Variants in SPAG16 observed in about 807,000 individuals in gnomAD.
SPAG16 encodes the protein sperm associated antigen 16.
In SPAG16, 86 loss-of-function variants were observed where a neutral mutation model predicts 80.4. The observed-to-expected ratio is 1.07, with a 90% confidence interval of 0.90 to 1.28. The LOEUF (loss-of-function observed/expected upper bound fraction) is 1.28, where lower values mean the gene tolerates loss of function less well. SPAG16 is among the 50% of genes most tolerant of loss of function. The pLI is 0.00. For missense variants in SPAG16, 870 were observed against 765.3 expected (o/e 1.14, Z -1.61); for synonymous variants, 294 against 265.9 (o/e 1.11, Z -1.03).
intron 15 of SPAG16, among the ~76,000 whole-genome samples, chr2:214,305,592 C>T (rs963886815): frequency 4.6e-5 from 7 of 152,022 alleles, no homozygotes; most frequent in Admixed American, 1.3e-4. Flanking sequence ...TCTGTATATG[C>T]CTCACCAGTT....
At chr2:213,400,630 T>C (rs2068261572) in intron 9 of SPAG16, among the ~76,000 whole-genome samples, 1 of 152,208 alleles carries the variant, frequency 6.6e-6, no homozygotes, top group Admixed American at 6.5e-5. Flanking sequence ...GCTGGGCATA[T>C]AGTTAGGTAC....
chr2:213,860,473 CTATA>C (rs1302682780), intron 10 of SPAG16, among the ~76,000 whole-genome samples: 5 of 78,784 alleles, frequency 6.3e-5, no homozygotes, highest in Non-Finnish European at 8.7e-5. Flanking sequence ...ATATATCTAT[CTATA>C]TATATATATA....
chr2:214,129,681 A>G (rs1021625810), intron 14 of SPAG16, among the ~76,000 whole-genome samples: 1 of 152,162 alleles, frequency 6.6e-6, no homozygotes, highest in African/African-American at 2.4e-5. Context: ...TTTCATGCGA[A>G]GGCTTAGACA....
chr2:214,372,956 C>A (rs1221205567), intron 15 of SPAG16, among the ~76,000 whole-genome samples: 2 of 152,116 alleles, frequency 1.3e-5, no homozygotes, highest in African/African-American at 4.8e-5. Flanking sequence ...CCTGCATTTC[C>A]TGATGCTCTG....
chr2:213,689,834 C>T (rs1460118908), intron 10 of SPAG16, among the ~76,000 whole-genome samples: 2 of 152,106 alleles, frequency 1.3e-5, no homozygotes, highest in African/African-American at 4.8e-5. Flanking sequence ...GTGCACTTTA[C>T]TATGCTGCTG....
At chr2:213,903,536 G>A (rs997178187) in intron 11 of SPAG16, among the ~76,000 whole-genome samples, 2 of 152,126 alleles carry the variant, frequency 1.3e-5, no homozygotes, top group South Asian at 4.1e-4. Context: ...ACTGCAAACA[G>A]CATGGGGACC....
At chr2:213,443,502 A>G (rs1390837835) in intron 9 of SPAG16, among the ~76,000 whole-genome samples, 1 of 152,174 alleles carries the variant, frequency 6.6e-6, no homozygotes, top group Non-Finnish European at 1.5e-5. Flanking sequence ...TTAGGGCTGA[A>G]TAATATTCCA....
chr2:213,298,610 T>A (rs1235356529), intron 3 of SPAG16, among the ~76,000 whole-genome samples: 5 of 152,198 alleles, frequency 3.3e-5, no homozygotes, highest in Admixed American at 3.3e-4. Context: ...AACAAAACTG[T>A]AATTGCTTCC....
intron 10 of SPAG16, among the ~76,000 whole-genome samples, chr2:213,755,030 A>G (rs16850855): frequency 0.024 from 3,651 of 152,274 alleles, 147 homozygotes; most frequent in African/African-American, 0.082. Flanking sequence ...ACTGAGATGT[A>G]ATATACAAAA....
At chr2:213,645,958 G>T (rs948164161) in intron 10 of SPAG16, among the ~76,000 whole-genome samples, 1 of 152,162 alleles carries the variant, frequency 6.6e-6, no homozygotes, top group Admixed American at 6.5e-5. Flanking sequence ...CCTCAGGCTG[G>T]GGCTGGTTTA....
chr2:213,877,197 A>C (rs1334099904), intron 11 of SPAG16, among the ~76,000 whole-genome samples: 3 of 152,122 alleles, frequency 2.0e-5, no homozygotes, highest in African/African-American at 7.2e-5. Flanking sequence ...GAGCTTTCAA[A>C]TCCACTTATT....
intron 5 of SPAG16, among the ~76,000 whole-genome samples, chr2:213,326,907 A>G (rs2063866019): frequency 6.6e-6 from 1 of 152,044 alleles, no homozygotes; most frequent in South Asian, 2.1e-4. Flanking sequence ...AATAATATTC[A>G]TATCATATTG....
At chr2:213,545,324 G>A (rs2076577907) in intron 10 of SPAG16, among the ~76,000 whole-genome samples, 1 of 151,962 alleles carries the variant, frequency 6.6e-6, no homozygotes, top group African/African-American at 2.4e-5. Context: ...TTTTCTTATT[G>A]TTGAGTTGTT....
At chr2:213,996,586 T>C (rs903940716) in intron 12 of SPAG16, among the ~76,000 whole-genome samples, 1 of 148,458 alleles carries the variant, frequency 6.7e-6, no homozygotes, top group African/African-American at 2.5e-5. Context: ...TTTTTTTTTT[T>C]GAGATGGAGT....
intron 3 of SPAG16, among the ~76,000 whole-genome samples, chr2:213,301,536 A>G (rs2062739629): frequency 6.6e-6 from 1 of 152,118 alleles, no homozygotes; most frequent in African/African-American, 2.4e-5. Context: ...TTAAGTCTGG[A>G]AAGTTTTATG....
intron 12 of SPAG16, among the ~76,000 whole-genome samples, chr2:213,978,143 T>C (rs566236885): frequency 2.0e-5 from 3 of 152,156 alleles, no homozygotes; most frequent in East Asian, 3.9e-4. Flanking sequence ...TCTATCCTTG[T>C]TTCCCGTCTT....
At chr2:213,599,440 C>G (rs1331736853) in intron 10 of SPAG16, among the ~76,000 whole-genome samples, 1 of 152,192 alleles carries the variant, frequency 6.6e-6, no homozygotes, top group Non-Finnish European at 1.5e-5. Flanking sequence ...CAGTATCCTC[C>G]TCTTCCTCGG....
chr2:213,929,627 G>T (rs1478697434), intron 11 of SPAG16, among the ~76,000 whole-genome samples: 1 of 94,532 alleles, frequency 1.1e-5, no homozygotes, highest in Non-Finnish European at 2.9e-5. Flanking sequence ...TCTGAAGCCC[G>T]ATCATCCAGA....
At chr2:213,946,773 T>C (rs947113497) in intron 12 of SPAG16, among the ~76,000 whole-genome samples, 1 of 151,984 alleles carries the variant, frequency 6.6e-6, no homozygotes, top group Non-Finnish European at 1.5e-5. Context: ...GAGCAATCAA[T>C]GCAACCAACA....
Sources: allele counts gnomAD v4.1 joint callset (sites outside exome capture counted in the v4.1 genomes callset), GRCh38; gene constraint gnomAD v4.1.1; transcripts MANE v1.5; gene names NCBI Gene and HGNC (gene_info 2026-07-23, HGNC 2026-07-21).